Variants in ATP10A observed in about 807,000 individuals in gnomAD.
ATP10A encodes ATPase phospholipid transporting 10A (putative), also known as phospholipid-transporting ATPase VA.
ATP10A carries 111 observed loss-of-function variants against 147.8 expected under a neutral mutation model. That is an observed-to-expected ratio of 0.75 (90% CI 0.64 to 0.88). ATP10A has a LOEUF of 0.88. Ranked by LOEUF, ATP10A falls within the 40% of genes least tolerant of loss-of-function variation. The pLI, the probability that ATP10A is intolerant of heterozygous loss-of-function variation, is 0.00. For missense variants in ATP10A, 1,927 were observed against 1,959.0 expected (o/e 0.98, Z 0.31); for synonymous variants, 875 against 841.6 (o/e 1.04, Z -0.69).
chr15:25,728,094 C>G (rs767469067), intron 3 of ATP10A, among the ~76,000 whole-genome samples: 18 of 152,154 alleles, frequency 1.2e-4, no homozygotes, highest in East Asian at 5.8e-4. Context: ...GAGTGCCTTC[C>G]GAGAGGCTAC....
In ATP10A at chr15:25,781,187, T is replaced by G; in HGVS notation, c.486A>C (p.Glu162Asp). 6.2e-7 allele frequency: 1 copy of G among 1,614,182 alleles called. No homozygotes were observed. Among genetic ancestry groups the G allele is most frequent in the Non-Finnish European group, 8.5e-7 (1 of 1,180,030 alleles). The change falls in exon 2 of 21, where the codon GAA becomes GAC. Residue 162 changes from glutamate to aspartate, a missense_variant. Glu to Asp is a conservative substitution (Grantham distance 45, BLOSUM62 2). Coordinates refer to ENST00000555815, the MANE Select transcript of ATP10A (RefSeq NM_024490.4). Reference protein sequence around the residue: ...EKKYVNRFWKEIHVGDFVRLR... With the variant: ...EKKYVNRFWKDIHVGDFVRLR... Reference sequence around the variant, plus strand: ...GACGCACAAAGTCTCCCACGTGGATTTCTTTCCAGAATCGGTTCACGTATT... The same window carrying G: ...GACGCACAAAGTCTCCCACGTGGATGTCTTTCCAGAATCGGTTCACGTATT...
intron 16 of ATP10A, 136 bp downstream of exon 16, chr15:25,687,567 T>G: frequency 1.5e-6 from 1 of 678,466 alleles, no homozygotes; most frequent in Non-Finnish European, 2.0e-6. Context: ...CAGGGGACAA[T>G]TACACAGGCG....
rs914121965 is a variant in ATP10A, at chr15:25,741,449, T to G, written c.655-5308A>C. Among the ~76,000 whole-genome samples the G allele has an allele frequency of 2.6e-5, 4 of 152,200 alleles. No homozygotes were observed. In the East Asian group the frequency reaches 7.7e-4, roughly 29 times the overall value. On this transcript the variant is annotated intron_variant, in intron 2 of 20. Transcript: ENST00000555815. ...CTTTTCCCCTGGCAGCAATACAAAA[T>G]GATTTCTACATAGCCTCTAATCCGG...
chr15:25,784,778 C>A (rs367758089), intron 1 of ATP10A, among the ~76,000 whole-genome samples: 1,762 of 152,126 alleles, frequency 0.012, 9 homozygotes, highest in Admixed American at 0.019. Flanking sequence ...AAAAATTAGC[C>A]AGGTGTGGTG....
chr15:25,739,149 A>C (rs1887445323), intron 2 of ATP10A, among the ~76,000 whole-genome samples: 1 of 152,118 alleles, frequency 6.6e-6, no homozygotes, highest in Non-Finnish European at 1.5e-5. Flanking sequence ...GGCTCACTGC[A>C]ACCTCCACCT....
intron 10 of ATP10A, among the ~76,000 whole-genome samples, chr15:25,712,121 A>G (rs1164327982): frequency 6.6e-6 from 1 of 152,202 alleles, no homozygotes; most frequent in Non-Finnish European, 1.5e-5. Flanking sequence ...TCGTGACGCT[A>G]AATTCATTCA....
At chr15:25,752,055 C>T (rs545653932) in intron 2 of ATP10A, among the ~76,000 whole-genome samples, 1 of 152,222 alleles carries the variant, frequency 6.6e-6, no homozygotes, top group South Asian at 2.1e-4. Context: ...CACTCATATG[C>T]TGTTGATGGA....
intron 1 of ATP10A, among the ~76,000 whole-genome samples, chr15:25,834,819 G>A (rs914763680): frequency 6.6e-6 from 1 of 152,184 alleles, no homozygotes; most frequent in East Asian, 1.9e-4. Flanking sequence ...GCTACAATAT[G>A]AATGAGCCTG....
chr15:25,702,489 A>G (rs1204041771), intron 12 of ATP10A, among the ~76,000 whole-genome samples: 2 of 152,224 alleles, frequency 1.3e-5, no homozygotes, highest in African/African-American at 4.8e-5. Flanking sequence ...CGGAGGGATA[A>G]AAATATAGTC....
At chr15:25,722,708 T>C (rs979553190) in intron 6 of ATP10A, among the ~76,000 whole-genome samples, 1 of 152,162 alleles carries the variant, frequency 6.6e-6, no homozygotes, top group African/African-American at 2.4e-5. Flanking sequence ...ATAAGACTGT[T>C]TCCTGTTGTA....
At position 25,781,190 on chromosome 15, in the gene ATP10A, T is replaced by C. The variant is rs1216883220; in HGVS notation, c.483A>G (p.Lys161=). 1.2e-6 allele frequency: 2 copies of C among 1,614,054 alleles called. No individual in the cohort carries two copies. Among genetic ancestry groups the C allele is most frequent in the Admixed American group, 1.7e-5 (1 of 60,004 alleles). ...GCACAAAGTCTCCCACGTGGATTTCTTTCCAGAATCGGTTCACGTATTTCT... is the reference window on the plus strand; with the variant it reads ...GCACAAAGTCTCCCACGTGGATTTCCTTCCAGAATCGGTTCACGTATTTCT... ...EEKKYVNRFW[K]EIHVGDFVRL... is the part of the protein sequence containing the mutation. Residue 161 remains lysine, a synonymous_variant, in exon 2 of 21, where the codon AAA becomes AAG. Transcript: ENST00000555815.
intron 2 of ATP10A, among the ~76,000 whole-genome samples, chr15:25,776,868 C>T (rs1210031429): frequency 6.6e-6 from 1 of 152,132 alleles, no homozygotes; most frequent in Non-Finnish European, 1.5e-5. Context: ...GTGCCTGGCA[C>T]CTGAGACCTC....
chr15:25,811,912 G>A (rs538893483), intron 1 of ATP10A, among the ~76,000 whole-genome samples: 2 of 152,314 alleles, frequency 1.3e-5, no homozygotes, highest in Admixed American at 1.3e-4. Context: ...CCACCCCGAT[G>A]CCAGAGGAAA....
chr15:25,697,008 A>G (rs1226911605), intron 13 of ATP10A, among the ~76,000 whole-genome samples: 1 of 152,170 alleles, frequency 6.6e-6, no homozygotes, highest in Admixed American at 6.5e-5. Context: ...AAATATGGGA[A>G]GAAGAAGGTG....
intron 12 of ATP10A, among the ~76,000 whole-genome samples, chr15:25,703,905 C>T (rs1168465698): frequency 6.6e-6 from 1 of 152,216 alleles, no homozygotes; most frequent in Non-Finnish European, 1.5e-5. Flanking sequence ...GGGAACATTG[C>T]ACCCATGCTG....
At chr15:25,771,441 A>C (rs1341640404) in intron 2 of ATP10A, among the ~76,000 whole-genome samples, 2 of 152,154 alleles carry the variant, frequency 1.3e-5, no homozygotes, top group African/African-American at 4.8e-5. Flanking sequence ...TAGGTCTGCG[A>C]TCTAAGTCTA....
Position 25,683,330 on chromosome 15 carries a change from G to C in ATP10A, c.3448C>G (p.Leu1150Val). 1 of 1,614,150 alleles carries C rather than the reference G, an allele frequency of 6.2e-7. No homozygotes were observed. Among genetic ancestry groups the C allele is most frequent in the Non-Finnish European group, 8.5e-7 (1 of 1,180,042 alleles). ...VLDRDVPANV[L>V]LTNPQLYKSG... ...TTGTAGAGCTGCGGGTTGGTCAGCA[G>C]CACATTGGCTGGCACATCCCTGTCC... The change falls in exon 17 of 21, where the codon CTG becomes GTG. Residue 1150 changes from leucine (L) to valine (V), a missense_variant. Leu to Val is a conservative substitution (Grantham distance 32, BLOSUM62 1). Coordinates refer to ENST00000555815, the MANE Select transcript of ATP10A (RefSeq NM_024490.4).
downstream of ATP10A, among the ~76,000 whole-genome samples, chr15:25,673,802 G>A (rs891346401): frequency 7.9e-5 from 12 of 152,176 alleles, no homozygotes; most frequent in African/African-American, 2.9e-4. Context: ...GGGAGTCTTT[G>A]GTGAAATCCA....
At chr15:25,811,131 C>T (rs1440894689) in intron 1 of ATP10A, among the ~76,000 whole-genome samples, 1 of 152,176 alleles carries the variant, frequency 6.6e-6, no homozygotes. Context: ...CAAAACAGGT[C>T]CTGGACGATT....
Sources: gnomAD v4.1 joint callset for allele counts (sites outside exome capture counted in the v4.1 genomes callset) on GRCh38, gnomAD v4.1.1 for gene constraint, MANE v1.5 for transcripts, NCBI Gene and HGNC (gene_info 2026-07-23, HGNC 2026-07-21) for gene names.